Variants in ZNF782 observed in about 807,000 individuals in gnomAD.
ZNF782 encodes zinc finger protein 782.
In ZNF782, 12 loss-of-function variants were observed where a neutral mutation model predicts 13.0. The ratio of observed to expected loss-of-function variants is 0.92; its 90% CI spans 0.59 to 1.50. The LOEUF is 1.50. ZNF782 is among the 40% of genes most tolerant of loss of function. The pLI is 0.00. For synonymous variants in ZNF782, 284 were observed against 283.0 expected (o/e 1.00, Z -0.04); for missense variants, 770 against 822.9 (o/e 0.94, Z 0.79).
chr9:96,869,400 T>C (rs1851798486), intron 1 of ZNF782, among the ~76,000 whole-genome samples: 1 of 152,232 alleles, frequency 6.6e-6, no homozygotes, highest in African/African-American at 2.4e-5. Context: ...TATAATGCAC[T>C]TAACATTCTT....
the ZNF782 span, among the ~76,000 whole-genome samples, chr9:96,881,042 G>A: frequency 6.6e-6 from 1 of 152,024 alleles, no homozygotes; most frequent in East Asian, 1.9e-4. Context: ...TTAAGTTATT[G>A]AATTTTGGAT....
At chr9:96,920,384 A>G in the ZNF782 span, among the ~76,000 whole-genome samples, 2 of 148,410 alleles carry the variant, frequency 1.3e-5, no homozygotes, top group Non-Finnish European at 3.0e-5. Flanking sequence ...CTCCTGCCTC[A>G]GCCTCCCGAG....
the ZNF782 span, chr9:96,893,295 T>A: frequency 6.6e-6 from 1 of 152,224 alleles, no homozygotes; most frequent in African/African-American, 2.4e-5. Flanking sequence ...AACTTTGAAC[T>A]TTCTTATCAT....
chr9:96,877,327 C>T (rs1236468149), upstream of ZNF782, among the ~76,000 whole-genome samples: 8 of 152,192 alleles, frequency 5.3e-5, no homozygotes, highest in South Asian at 2.1e-4. Context: ...AGGAACACCC[C>T]CAGATGCCGC....
intron 3 of ZNF782, among the ~76,000 whole-genome samples, chr9:96,860,087 G>A (rs1457081292): frequency 6.6e-6 from 1 of 152,102 alleles, no homozygotes; most frequent in Non-Finnish European, 1.5e-5. Flanking sequence ...TGGATTCAGT[G>A]CCAGCTCAGC....
At chr9:96,861,139 T>C (rs1197833614) in intron 2 of ZNF782, among the ~76,000 whole-genome samples, 1 of 152,066 alleles carries the variant, frequency 6.6e-6, no homozygotes, top group East Asian at 1.9e-4. Flanking sequence ...AATATAAAAC[T>C]AAAATAAAAC....
the ZNF782 span, among the ~76,000 whole-genome samples, chr9:96,926,628 G>C: frequency 6.6e-6 from 1 of 151,860 alleles, no homozygotes; most frequent in African/African-American, 2.4e-5. Context: ...CAGTTTTAGA[G>C]TTGGGACAAA....
chr9:96,831,321 CTTG>C lies in ZNF782; in HGVS notation c.143-4143_143-4141del, dbSNP rs1410288289. The stretch of plus-strand genomic sequence containing the variant: ...GTGATAAATAACACAGAACTATACA[CTTG>C]TTGTGCCAATGTCAACTTCCTGATA... On this transcript the variant is annotated intron_variant, in intron 4 of 5. Coordinates refer to ENST00000481138, the MANE Select transcript of ZNF782 (RefSeq NM_001001662.3). 4.6e-5 allele frequency among the ~76,000 whole-genome samples: 7 copies of C among 152,166 alleles called. No individual in the cohort carries two copies. In the East Asian group the frequency reaches 9.6e-4, roughly 21 times the overall value.
chr9:96,841,539 G>A (rs1018579950), intron 4 of ZNF782, among the ~76,000 whole-genome samples: 2 of 152,006 alleles, frequency 1.3e-5, no homozygotes, highest in Non-Finnish European at 2.9e-5. Flanking sequence ...ACCAAGTAAG[G>A]TTTATTCCAA....
intron 5 of ZNF782, among the ~76,000 whole-genome samples, chr9:96,822,487 T>C (rs952581900): frequency 6.6e-6 from 1 of 152,070 alleles, no homozygotes; most frequent in Non-Finnish European, 1.5e-5. Flanking sequence ...CACTAAAGTA[T>C]TTCAAACTAT....
chr9:96,921,837 G>C, the ZNF782 span, among the ~76,000 whole-genome samples: 1 of 150,860 alleles, frequency 6.6e-6, no homozygotes, highest in African/African-American at 2.4e-5. Context: ...GGGATCACAG[G>C]CGCCCACAAC....
intron 5 of ZNF782, among the ~76,000 whole-genome samples, chr9:96,826,320 A>G (rs375172022): frequency 6.6e-6 from 1 of 151,728 alleles, no homozygotes; most frequent in Non-Finnish European, 1.5e-5. Flanking sequence ...AACACCGCAT[A>G]TTCTCACTCA....
chr9:96,868,095 T>A (rs976685694), intron 1 of ZNF782, among the ~76,000 whole-genome samples: 1 of 152,208 alleles, frequency 6.6e-6, no homozygotes. Flanking sequence ...GTAGAGAGAC[T>A]CTCTCAAAGA....
chr9:96,921,137 T>C, the ZNF782 span, among the ~76,000 whole-genome samples: 1 of 148,686 alleles, frequency 6.7e-6, no homozygotes, highest in East Asian at 2.1e-4. Context: ...AAAAACAGAA[T>C]ATTTTAGTAT....
chr9:96,865,900 T>C (rs1047944929), intron 1 of ZNF782, among the ~76,000 whole-genome samples: 2 of 152,152 alleles, frequency 1.3e-5, no homozygotes, highest in Admixed American at 6.5e-5. Flanking sequence ...CCTAGAGATT[T>C]CTGGAACTTT....
chr9:96,832,299 C>T (rs1364397443), intron 4 of ZNF782, among the ~76,000 whole-genome samples: 1 of 152,120 alleles, frequency 6.6e-6, no homozygotes. Context: ...ATATGATAAT[C>T]TTAACTATTT....
the ZNF782 span, among the ~76,000 whole-genome samples, chr9:96,914,439 G>T: frequency 1.7e-4 from 26 of 152,042 alleles, no homozygotes; most frequent in African/African-American, 5.5e-4. Flanking sequence ...TATTATAATT[G>T]AAATCCGCAC....
chr9:96,821,639 T>C (rs946669588), intron 5 of ZNF782, among the ~76,000 whole-genome samples: 8 of 152,084 alleles, frequency 5.3e-5, no homozygotes, highest in African/African-American at 1.9e-4. Context: ...GCATTTTCTC[T>C]TTCTTAGTTG....
the ZNF782 span, chr9:96,892,132 A>C: frequency 2.6e-5 from 4 of 152,128 alleles, no homozygotes; most frequent in Non-Finnish European, 5.9e-5. Context: ...GCTCTCAGTA[A>C]AGCTGTCATG....
Sources: gnomAD v4.1 joint callset for allele counts (sites outside exome capture counted in the v4.1 genomes callset) on GRCh38, gnomAD v4.1.1 for gene constraint, MANE v1.5 for transcripts, NCBI Gene and HGNC (gene_info 2026-07-23, HGNC 2026-07-21) for gene names.